Variants in OPRK1 observed in about 807,000 individuals in gnomAD.
OPRK1 encodes the protein kappa-type opioid receptor.
A neutral mutation model predicts 24.5 loss-of-function variants in OPRK1; 15 were observed. The observed-to-expected ratio is 0.61, with a 90% CI of 0.41 to 0.94. The LOEUF is 0.94. OPRK1 is among the 40% of genes least tolerant of loss of function. The probability of loss-of-function intolerance (pLI) is 0.00; values close to 1 mark genes in which losing one functional copy is unlikely to be tolerated. For synonymous variants in OPRK1, 205 were observed against 198.0 expected (o/e 1.04, Z -0.30); for missense variants, 479 against 507.3 (o/e 0.94, Z 0.54).
In OPRK1 at chr8:53,226,301, T is replaced by C. The variant is rs7820807; in HGVS notation, c.*2996A>G. Reference sequence around the variant, plus strand: ...TCTTAGATTGGTAACTACTCTGAGATACTAAGAGTGTTTCCACTCTCCTCC... The same window carrying C: ...TCTTAGATTGGTAACTACTCTGAGACACTAAGAGTGTTTCCACTCTCCTCC... On this transcript the variant is annotated 3_prime_UTR_variant, in exon 4 of 4. Coordinates refer to ENST00000265572, the MANE Select transcript of OPRK1 (RefSeq NM_000912.5). 0.18 allele frequency: 27,420 copies of C among 152,108 alleles called. 3,420 individuals carry two copies. The highest frequency in any genetic ancestry group is 0.35 in the African/African-American group (14,443 of 41,452). 9.4% of individuals were successfully genotyped at this position (152,108 alleles called of 1,614,324 possible). A position where few individuals can be genotyped will look rare whatever the true frequency, so the allele number is the denominator to read the frequency against.
At chr8:53,249,805 C>T (rs951961063) in intron 2 of OPRK1, among the ~76,000 whole-genome samples, 3 of 152,080 alleles carry the variant, frequency 2.0e-5, no homozygotes, top group Non-Finnish European at 4.4e-5. Context: ...GAGTCCCTAG[C>T]CAGGGTGACT....
At position 53,234,182 on chromosome 8, in the gene OPRK1, C is replaced by CAAAAAAAAAAAAAAAAAAAAAAAA. The variant is rs546459906; in HGVS notation, c.610+576_610+577insTTTTTTTTTTTTTTTTTTTTTTTT. 2.1e-3 allele frequency among the ~76,000 whole-genome samples: 137 copies of CAAAAAAAAAAAAAAAAAAAAAAAA among 65,262 alleles called. 12 individuals are homozygous for CAAAAAAAAAAAAAAAAAAAAAAAA. The highest frequency in any genetic ancestry group is 0.021 in the Middle Eastern group (2 of 96). The allele number at this position is 65,262 out of a possible 152,430, so 42.8% of individuals were successfully genotyped here. A position where few individuals can be genotyped will look rare whatever the true frequency, so the allele number is the denominator to read the frequency against. ...CTGGCAACAGAGCAAGACTCTCTCT[C>CAAAAAAAAAAAAAAAAAAAAAAAA]AAAAAAAAAAAAAAAAAAAAATCAG... On this transcript the variant is annotated intron_variant, in intron 3 of 3. Transcript: ENST00000265572.
At chr8:53,251,106 G>A in intron 1 of OPRK1, 21 bp from the exon 2 acceptor site, 1 of 1,419,016 alleles carries the variant, frequency 7.0e-7, no homozygotes, top group African/African-American at 1.5e-5. Flanking sequence ...GAAAGAACCG[G>A]CTGGACGCGG....
In OPRK1 at chr8:53,229,714, G is replaced by A. The variant is rs1401557285; in HGVS notation, c.726C>T (p.Ile242=). ...GGATCATCAGGGTGTAGCAGACGATGATGATGAGGACAGGGATCACGAAGG... is the reference window on the plus strand; with the variant it reads ...GGATCATCAGGGTGTAGCAGACGATAATGATGAGGACAGGGATCACGAAGG... ...IFAFVIPVLI[I]IVCYTLMILR... Residue 242 remains isoleucine, a synonymous_variant, in exon 4 of 4, where the codon ATC becomes ATT. Coordinates refer to ENST00000265572, the MANE Select transcript of OPRK1 (RefSeq NM_000912.5). 6.2e-7 allele frequency: 1 copy of A among 1,614,164 alleles called. No homozygotes were observed. The highest frequency in any genetic ancestry group is 1.1e-5 in the South Asian group (1 of 91,080).
chr8:53,245,496 G>A lies in OPRK1; in HGVS notation c.257+5285C>T, dbSNP rs1807208284. ...TAACCCACCCAGTCTGCGGTGCTTT[G>A]TTATGGCAGCCTCAGCAAACTAAGG... On this transcript the variant is annotated intron_variant, in intron 2 of 3. Coordinates refer to ENST00000265572, the MANE Select transcript of OPRK1 (RefSeq NM_000912.5). Among the ~76,000 whole-genome samples, 3 of 152,196 alleles carry A rather than the reference G, an allele frequency of 2.0e-5. No individual in the cohort carries two copies. In the South Asian group the frequency reaches 6.2e-4, roughly 31 times the overall value.
intron 2 of OPRK1, among the ~76,000 whole-genome samples, chr8:53,241,448 G>C (rs902099213): frequency 6.6e-6 from 1 of 151,796 alleles, no homozygotes; most frequent in African/African-American, 2.4e-5. Context: ...AGGATGGCTT[G>C]ACCGCCCCAC....
At position 53,250,973 on chromosome 8, in the gene OPRK1, A is replaced by C; in HGVS notation, c.65T>G (p.Leu22Arg). 6.2e-7 allele frequency: 1 copy of C among 1,604,100 alleles called. No individual in the cohort carries two copies. The highest frequency in any genetic ancestry group is 8.5e-7 in the Non-Finnish European group (1 of 1,175,560). The part of the protein sequence containing the change: ...PGPTCAPSAC[L>R]PPNSSAWFPG... Reference sequence around the variant, plus strand: ...AAACCAGGCGCTGCTGTTGGGGGGCAGGCAGGCGCTCGGGGCGCAGGTAGG... The same window carrying C: ...AAACCAGGCGCTGCTGTTGGGGGGCCGGCAGGCGCTCGGGGCGCAGGTAGG... The change falls in exon 2 of 4, where the codon CTG becomes CGG. Residue 22 changes from leucine to arginine, a missense_variant. By Grantham distance (102) the Leu-to-Arg change is moderately radical. Transcript: ENST00000265572.
At chr8:53,244,059 G>C (rs1219031893) in intron 2 of OPRK1, among the ~76,000 whole-genome samples, 1 of 152,146 alleles carries the variant, frequency 6.6e-6, no homozygotes, top group African/African-American at 2.4e-5. Flanking sequence ...AAGAAACTTG[G>C]GAGAGAAGAG....
At position 53,227,801 on chromosome 8, in the gene OPRK1, G is replaced by C. The variant is rs372291478; in HGVS notation, c.*1496C>G. 1 of 151,686 alleles carries C rather than the reference G, an allele frequency of 6.6e-6. No individual in the cohort carries two copies. Among genetic ancestry groups the C allele is most frequent in the African/African-American group, 2.4e-5 (1 of 41,258 alleles). The allele number at this position is 151,686 out of a possible 1,614,324, so 9.4% of individuals were successfully genotyped here. ...CTTGCATGGTGAACAGAACTTAACAGTTGTAATGATGTCTGTAGTTACATA... is the reference window on the plus strand; with the variant it reads ...CTTGCATGGTGAACAGAACTTAACACTTGTAATGATGTCTGTAGTTACATA... On this transcript the variant is annotated 3_prime_UTR_variant, in exon 4 of 4. Coordinates refer to ENST00000265572, the MANE Select transcript of OPRK1 (RefSeq NM_000912.5).
At chr8:53,238,146 T>C (rs991230289) in intron 2 of OPRK1, among the ~76,000 whole-genome samples, 4 of 152,222 alleles carry the variant, frequency 2.6e-5, no homozygotes, top group African/African-American at 9.6e-5. Flanking sequence ...GTATTGTTTG[T>C]ATCTAACCGC....
chr8:53,250,695 T>G, intron 2 of OPRK1, 86 bp downstream of exon 2: 7 of 1,382,120 alleles, frequency 5.1e-6, no homozygotes, highest in Non-Finnish European at 6.9e-6. Context: ...CCTGGCTGGC[T>G]GCCCCCACTG....
intron 3 of OPRK1, among the ~76,000 whole-genome samples, chr8:53,233,656 C>A (rs1050671010): frequency 1.3e-5 from 2 of 152,134 alleles, no homozygotes; most frequent in African/African-American, 2.4e-5. Flanking sequence ...CTATGAGGAA[C>A]AAAGATGCTT....
chr8:53,237,502 C>T (rs1807021863), intron 2 of OPRK1, among the ~76,000 whole-genome samples: 1 of 152,170 alleles, frequency 6.6e-6, no homozygotes, highest in Admixed American at 6.5e-5. Flanking sequence ...TCCGAAGTGC[C>T]TGCGTCAGGA....
chr8:53,249,566 G>C (rs145208946), intron 2 of OPRK1, among the ~76,000 whole-genome samples: 2,043 of 152,172 alleles, frequency 0.013, 26 homozygotes, highest in Non-Finnish European at 0.018. Context: ...TATGTGTTTG[G>C]CGACTTAAAT....
chr8:53,238,261 A>G (rs1173086832), intron 2 of OPRK1, among the ~76,000 whole-genome samples: 1 of 152,148 alleles, frequency 6.6e-6, no homozygotes, highest in African/African-American at 2.4e-5. Context: ...TTTCACCCAC[A>G]CTGCTTTACA....
intron 3 of OPRK1, among the ~76,000 whole-genome samples, chr8:53,232,871 A>C (rs1176498064): frequency 6.6e-6 from 1 of 152,250 alleles, no homozygotes; most frequent in East Asian, 1.9e-4. Flanking sequence ...AGAGCAGACT[A>C]TGAATCCTCA....
Position 53,251,503 on chromosome 8 carries a change from T to G in OPRK1, c.-104A>C, listed in dbSNP as rs1229017798. The stretch of plus-strand genomic sequence containing the variant: ...GTTTTTTACGGGACGCCCTGGTAGG[T>G]GCTGAACCGCGCGCTCACGAGTCCC... On this transcript the variant is annotated 5_prime_UTR_variant, in exon 1 of 4. Transcript: ENST00000265572. 6.3e-6 allele frequency: 1 copy of G among 157,548 alleles called. No individual in the cohort carries two copies. Among genetic ancestry groups the G allele is most frequent in the Non-Finnish European group, 1.4e-5 (1 of 71,980 alleles). 9.8% of individuals were successfully genotyped at this position (157,548 alleles called of 1,614,324 possible). A position where few individuals can be genotyped will look rare whatever the true frequency, so the allele number is the denominator to read the frequency against.
intron 2 of OPRK1, 36 bp downstream of exon 2, chr8:53,250,745 G>C: frequency 3.3e-6 from 5 of 1,517,702 alleles, no homozygotes; most frequent in East Asian, 2.5e-5. Flanking sequence ...TCCCTGCCCC[G>C]CCCAGCCCCC....
At chr8:53,234,713 A>G (rs1375716892) in intron 3 of OPRK1, 46 bp downstream of exon 3, 1 of 1,520,758 alleles carries the variant, frequency 6.6e-7, no homozygotes, top group East Asian at 2.3e-5. Context: ...AGTCTATGTA[A>G]TTTGAAGCTA....
Sources: allele counts gnomAD v4.1 joint callset (sites outside exome capture counted in the v4.1 genomes callset), GRCh38; gene constraint gnomAD v4.1.1; transcripts MANE v1.5; gene names NCBI Gene and HGNC (gene_info 2026-07-23, HGNC 2026-07-21).